EMC7: variants seen among roughly 807,000 people sequenced by gnomAD.
The protein encoded by EMC7 is endoplasmic reticulum membrane protein complex subunit 7.
In EMC7, 4 loss-of-function variants were observed where a neutral mutation model predicts 24.4. The observed-to-expected ratio is 0.16, with a 90% confidence interval of 0.08 to 0.38. The LOEUF (loss-of-function observed/expected upper bound fraction) is 0.38. Among genes scored for constraint, EMC7 ranks in the 10% least tolerant of loss-of-function variants. EMC7 has a pLI of 1.00. For synonymous variants in EMC7, 106 were observed against 112.0 expected (o/e 0.95, Z 0.34); for missense variants, 221 against 300.6 (o/e 0.74, Z 1.96).
intron 3 of EMC7, among the ~76,000 whole-genome samples, chr15:34,089,727 C>T (rs928725212): frequency 3.3e-5 from 5 of 152,170 alleles, no homozygotes; most frequent in Admixed American, 6.5e-5. Context: ...GAGGCCGAGG[C>T]GGGCAGATCA....
chr15:34,092,220 G>A, intron 2 of EMC7, among the ~76,000 whole-genome samples: 1 of 150,480 alleles, frequency 6.6e-6, no homozygotes, highest in South Asian at 2.1e-4. Flanking sequence ...AGCTGAGGGT[G>A]CACCACTGCA....
intron 4 of EMC7, among the ~76,000 whole-genome samples, chr15:34,086,531 C>G (rs753229427): frequency 1.3e-5 from 2 of 152,094 alleles, no homozygotes; most frequent in Non-Finnish European, 2.9e-5. Flanking sequence ...CAGTTTCAAG[C>G]GATTCTCCTG....
At position 34,090,241 on chromosome 15, in the gene EMC7, A is replaced by G; in HGVS notation, c.495+76T>C. The G allele has an allele frequency of 6.3e-6, 9 of 1,429,680 alleles. No individual in the cohort carries two copies. In the South Asian group the frequency reaches 1.2e-4, roughly 19 times the overall value. The allele number at this position is 1,429,680 out of a possible 1,614,324, so 88.6% of individuals were successfully genotyped here. A position where few individuals can be genotyped will look rare whatever the true frequency, so the allele number is the denominator to read the frequency against. ...CAATCTGACCTCAGCTTTCTATCTCACAGAGGTTTGAAGTTTCCACTGCCT... is the reference window on the plus strand; with the variant it reads ...CAATCTGACCTCAGCTTTCTATCTCGCAGAGGTTTGAAGTTTCCACTGCCT... On this transcript the variant is annotated intron_variant, in intron 3 of 4. Coordinates refer to ENST00000256545, the MANE Select transcript of EMC7 (RefSeq NM_020154.3).
intron 2 of EMC7, among the ~76,000 whole-genome samples, chr15:34,093,806 C>CATATATATATATATATATATAT (rs1555523298): frequency 3.3e-5 from 1 of 30,248 alleles, no homozygotes; most frequent in African/African-American, 8.7e-5. Flanking sequence ...CACACACACA[C>CATATATATATATATATATATAT]ATATATATAT....
rs189797073 is a variant in EMC7 at position 34,089,390 on chromosome 15, A to G, written c.495+927T>C. Among the ~76,000 whole-genome samples the G allele has an allele frequency of 2.2e-4, 34 of 152,360 alleles. No individual in the cohort carries two copies. In the East Asian group the frequency reaches 5.6e-3, roughly 25 times the overall value. ...TGTGATTAATACACATCGTATGCCTATATCAAAACATCATATGTACTTCAT... is the reference window on the plus strand; with the variant it reads ...TGTGATTAATACACATCGTATGCCTGTATCAAAACATCATATGTACTTCAT... On this transcript the variant is annotated intron_variant, in intron 3 of 4. Transcript: ENST00000256545.
chr15:34,098,814 C>A (rs1009987882), intron 1 of EMC7, among the ~76,000 whole-genome samples: 3 of 151,674 alleles, frequency 2.0e-5, no homozygotes, highest in South Asian at 4.2e-4. Context: ...CAGAAAAAAA[C>A]AAACTGATGA....
intron 3 of EMC7, 61 bp from the exon 4 acceptor site, chr15:34,088,194 A>G (rs1024764490): frequency 8.8e-6 from 12 of 1,359,790 alleles, no homozygotes; most frequent in African/African-American, 8.8e-5. Context: ...TAGAACAAAA[A>G]CTGCACTTAA....
At chr15:34,089,800 T>C (rs1289984444) in intron 3 of EMC7, among the ~76,000 whole-genome samples, 1 of 152,052 alleles carries the variant, frequency 6.6e-6, no homozygotes, top group African/African-American at 2.4e-5. Context: ...CTACTAAAAA[T>C]ACAAAATTAG....
intron 2 of EMC7, among the ~76,000 whole-genome samples, chr15:34,092,807 A>G (rs2140869635): frequency 6.6e-6 from 1 of 152,322 alleles, no homozygotes; most frequent in East Asian, 1.9e-4. Context: ...TACTCAAGGT[A>G]AAAAGGCAAT....
At chr15:34,096,497 G>T (rs956492183) in intron 1 of EMC7, among the ~76,000 whole-genome samples, 4 of 152,078 alleles carry the variant, frequency 2.6e-5, no homozygotes, top group African/African-American at 9.7e-5. Context: ...CACTGAATAG[G>T]TTCTGAAAAT....
intron 1 of EMC7, among the ~76,000 whole-genome samples, chr15:34,100,031 C>T (rs922325803): frequency 6.6e-6 from 1 of 152,208 alleles, no homozygotes; most frequent in Non-Finnish European, 1.5e-5. Context: ...AAACCTAAGT[C>T]ATATGATTCC....
At position 34,093,804 on chromosome 15, in the gene EMC7, C is replaced by T. The variant is rs55801185; in HGVS notation, c.356+2091G>A. Among the ~76,000 whole-genome samples, 57 of 6,472 alleles carry T rather than the reference C, an allele frequency of 8.8e-3. No homozygotes were observed. In the South Asian group the frequency reaches 0.19, roughly 21 times the overall value. 4.2% of individuals were successfully genotyped at this position (6,472 alleles called of 152,430 possible). ...GTATACACACACACACACACACACA[C>T]ACATATATATATATATATATTTTTT... On this transcript the variant is annotated intron_variant, in intron 2 of 4. Transcript: ENST00000256545.
intron 2 of EMC7, among the ~76,000 whole-genome samples, chr15:34,093,557 TA>T (rs772645836): frequency 2.4e-4 from 36 of 149,766 alleles, no homozygotes; most frequent in African/African-American, 6.2e-4. Context: ...TAAAAAGGAT[TA>T]AAAAAAAATA....
Position 34,087,527 on chromosome 15 carries a change from G to A in EMC7, c.576+526C>T, listed in dbSNP as rs116206095. Among the ~76,000 whole-genome samples, 1,391 of 152,282 alleles carry A rather than the reference G, an allele frequency of 9.1e-3. 31 individuals carry two copies. The highest frequency in any genetic ancestry group is 0.029 in the South Asian group (141 of 4,818). ...AAACTGAGTATGTACTCTGAAGAGA[G>A]TTTTGTAAAGTAAAGGCAGATCACA... On this transcript the variant is annotated intron_variant, in intron 4 of 4. Transcript: ENST00000256545.
intron 1 of EMC7, 109 bp from the exon 2 acceptor site, chr15:34,096,123 G>A (rs768465598): frequency 3.0e-5 from 37 of 1,246,888 alleles, no homozygotes; most frequent in Non-Finnish European, 3.8e-5. Flanking sequence ...AAAGCAACGG[G>A]CAAACAAACA....
chr15:34,084,227 C>G lies in EMC7; in HGVS notation c.*107G>C. ...AACATACACAGTTGTAAGAGATCAA[C>G]GTCGGGATGACTCAAGTTTATAGTA... On this transcript the variant is annotated 3_prime_UTR_variant, in exon 5 of 5. Coordinates refer to ENST00000256545, the MANE Select transcript of EMC7 (RefSeq NM_020154.3). The G allele has an allele frequency of 7.3e-7, 1 of 1,369,350 alleles. No homozygotes were observed. 84.8% of individuals were successfully genotyped at this position (1,369,350 alleles called of 1,614,324 possible).
At chr15:34,091,354 T>C (rs1413924722) in intron 2 of EMC7, among the ~76,000 whole-genome samples, 1 of 152,230 alleles carries the variant, frequency 6.6e-6, no homozygotes, top group Non-Finnish European at 1.5e-5. Context: ...GTAGACTGTT[T>C]TCTTGGGTTC....
At chr15:34,099,485 A>AAT (rs1901140484) in intron 1 of EMC7, among the ~76,000 whole-genome samples, 1 of 152,220 alleles carries the variant, frequency 6.6e-6, no homozygotes, top group African/African-American at 2.4e-5. Flanking sequence ...AGCCACCTCC[A>AAT]ATAAGCACAA....
At chr15:34,090,247 G>T (rs1900956316) in intron 3 of EMC7, 70 bp downstream of exon 3, 13 of 1,470,686 alleles carry the variant, frequency 8.8e-6, no homozygotes, top group East Asian at 2.3e-5. Context: ...TCTCACAGAG[G>T]TTTGAAGTTT....
Sources: gnomAD v4.1 joint callset for allele counts (sites outside exome capture counted in the v4.1 genomes callset) on GRCh38, gnomAD v4.1.1 for gene constraint, MANE v1.5 for transcripts, NCBI Gene and HGNC (gene_info 2026-07-23, HGNC 2026-07-21) for gene names.